The following ANGPTL4 variants were observed in gnomAD, a reference collection of about 807,000 sequenced individuals.
The protein encoded by ANGPTL4 is angiopoietin like 4, also known as angiopoietin-related protein 4.
A neutral mutation model predicts 39.2 loss-of-function variants in ANGPTL4; 39 were observed. The ratio of observed to expected loss-of-function variants is 1.00; its 90% CI spans 0.77 to 1.30. The LOEUF is 1.30. Among genes scored for constraint, ANGPTL4 ranks in the 50% most tolerant of loss-of-function variants. ANGPTL4 has a pLI of 0.00. For synonymous variants in ANGPTL4, 233 were observed against 229.5 expected, an observed-to-expected ratio of 1.02 and a Z score of -0.14; for missense variants, 545 against 549.8, an observed-to-expected ratio of 0.99 and a Z score of 0.09.
At chr19:8,368,670 A>G (rs2145477322) in intron 3 of ANGPTL4, among the ~76,000 whole-genome samples, 1 of 152,272 alleles carries the variant, frequency 6.6e-6, no homozygotes, top group South Asian at 2.1e-4. Context: ...CAGTCTGGCC[A>G]ACATGGTGAA....
intron 1 of ANGPTL4, 29 bp downstream of exon 1, chr19:8,364,668 G>C (rs1411136553): frequency 6.4e-7 from 1 of 1,563,570 alleles, no homozygotes; most frequent in African/African-American, 1.4e-5. Context: ...GGTTCTCCGC[G>C]CCCCTAGTGG....
chr19:8,369,241 G>A lies in ANGPTL4; in HGVS notation c.570G>A (p.Glu190=), dbSNP rs559356885. The A allele has an allele frequency of 1.9e-6, 3 of 1,611,696 alleles. No homozygotes were observed. Among genetic ancestry groups the A allele is most frequent in the East Asian group, 2.2e-5 (1 of 44,876 alleles). The change falls in exon 4 of 7, where the codon GAG becomes GAA. Residue 190 remains glutamate, a synonymous_variant. Coordinates refer to ENST00000301455, the MANE Select transcript of ANGPTL4 (RefSeq NM_139314.3). ...RLHRLPRDCQ[E]LFQVGERQSG... ...CAGGGCTGCCCAGGGATTGCCAGGA[G>A]CTGTTCCAGGTTGGGGAGAGGCAGA... is the stretch of plus-strand genomic sequence containing the variant.
chr19:8,366,034 G>A lies in ANGPTL4; in HGVS notation c.399G>A (p.Gln133=), dbSNP rs746114842. 2.5e-6 allele frequency: 4 copies of A among 1,614,040 alleles called. No homozygotes were observed. The Admixed American group carries it at 5.0e-5, about 20-fold the overall frequency. ...AGCAGCAGCGGCACCTGGAGAAGCA[G>A]CACCTGCGAATTCAGCATCTGCAAA... ...VAQQQRHLEK[Q]HLRIQHLQSQ... Residue 133 remains glutamine, a synonymous_variant, in exon 2 of 7, where the codon CAG becomes CAA. Coordinates refer to ENST00000301455, the MANE Select transcript of ANGPTL4 (RefSeq NM_139314.3).
In ANGPTL4 at chr19:8,371,637, T is replaced by C. The variant is rs1971123152; in HGVS notation, c.1039+115T>C. ...CTGTTTCCTGCCCCCACCTCTTCCT[T>C]ACATGCCGTGTGTGTGATTGGGCCA... is the stretch of plus-strand genomic sequence containing the variant. On this transcript the variant is annotated intron_variant, in intron 6 of 6. Transcript: ENST00000301455. This position sits in a 1 kb window ranked among gnomAD's most constrained non-coding sequence, Gnocchi z 5.1. 6.9e-7 allele frequency: 1 copy of C among 1,445,242 alleles called. No homozygotes were observed. 89.5% of individuals were successfully genotyped at this position (1,445,242 alleles called of 1,614,324 possible).
chr19:8,371,495 G>C lies in ANGPTL4; in HGVS notation c.1012G>C (p.Asp338His). The C allele has an allele frequency of 1.2e-6, 2 of 1,613,080 alleles. No individual in the cohort carries two copies. Among genetic ancestry groups the C allele is most frequent in the Non-Finnish European group, 1.7e-6 (2 of 1,180,032 alleles). Residue 338 changes from aspartate to histidine, a missense_variant, in exon 6 of 7, where the codon GAC (aspartate) becomes CAC (histidine). Physicochemically the swap from Asp to His is moderately conservative, Grantham distance 81. Transcript: ENST00000301455. The surrounding 1 kb of genome is among the most constrained non-coding windows in gnomAD (Gnocchi z 5.1). ...TWDQDHDLRR[D>H]KNCAKSLSGG... The stretch of plus-strand genomic sequence containing the variant: ...GGACCAGGATCACGACCTCCGCAGG[G>C]ACAAGAACTGCGCCAAGAGCCTCTC...
At chr19:8,373,676 C>T in intron 6 of ANGPTL4, 29 bp from the exon 7 acceptor site, 3 of 1,613,686 alleles carry the variant, frequency 1.9e-6, no homozygotes, top group Non-Finnish European at 2.5e-6. Context: ...AAAGACCTGA[C>T]CATGTTCCCT....
rs1470759460 is a variant in ANGPTL4 at position 8,364,339 on chromosome 19, G to A, written c.18G>A (p.Thr6=). Residue 6 remains threonine, a synonymous_variant, in exon 1 of 7, where the codon ACG becomes ACA. Coordinates refer to ENST00000301455, the MANE Select transcript of ANGPTL4 (RefSeq NM_139314.3). MSGAP[T]AGAALMLCAA... ...CTAAGAGGATGAGCGGTGCTCCGAC[G>A]GCCGGGGCAGCCCTGATGCTCTGCG... 1.9e-6 allele frequency: 3 copies of A among 1,545,994 alleles called. No individual in the cohort carries two copies. The highest frequency in any genetic ancestry group is 2.6e-6 in the Non-Finnish European group (3 of 1,150,122).
intron 3 of ANGPTL4, among the ~76,000 whole-genome samples, chr19:8,367,342 G>C (rs1013123055): frequency 4.6e-5 from 7 of 152,202 alleles, no homozygotes; most frequent in African/African-American, 1.7e-4. Context: ...GCGGTGGAAG[G>C]GGGCAGGGGT....
At chr19:8,367,173 A>C (rs1278182397) in intron 3 of ANGPTL4, among the ~76,000 whole-genome samples, 1 of 151,146 alleles carries the variant, frequency 6.6e-6, no homozygotes, top group Non-Finnish European at 1.5e-5. Flanking sequence ...CTCCTCCCCA[A>C]GCTCCCGCTC....
rs1971185407 is a variant in ANGPTL4 at position 8,374,093 on chromosome 19, A to G, written c.*207A>G. The G allele has an allele frequency of 1.7e-6, 1 of 596,614 alleles. No homozygotes were observed. Among genetic ancestry groups the G allele is most frequent in the Admixed American group, 2.9e-5 (1 of 33,922 alleles). The allele number at this position is 596,614 out of a possible 1,614,324, so 37.0% of individuals were successfully genotyped here. A position where few individuals can be genotyped will look rare whatever the true frequency, so the allele number is the denominator to read the frequency against. On this transcript the variant is annotated 3_prime_UTR_variant, in exon 7 of 7. Coordinates refer to ENST00000301455, the MANE Select transcript of ANGPTL4 (RefSeq NM_139314.3). Reference sequence around the variant, plus strand: ...TGCCTCCTGAGATCGAGGCTGCAGGATATGCTCAGACTCTAGAGGCGTGGA... The same window carrying G: ...TGCCTCCTGAGATCGAGGCTGCAGGGTATGCTCAGACTCTAGAGGCGTGGA...
intron 3 of ANGPTL4, 101 bp downstream of exon 3, chr19:8,366,420 C>G: frequency 6.0e-6 from 8 of 1,323,444 alleles, no homozygotes; most frequent in Non-Finnish European, 8.5e-6. Flanking sequence ...GAGAAGATGT[C>G]CTGGCCTGGA....
Position 8,371,062 on chromosome 19 carries a change from G to T in ANGPTL4, c.668G>T (p.Gly223Val), listed in dbSNP as rs757456587. Residue 223 changes from glycine to valine, a missense_variant, in exon 5 of 7, where the codon GGC (glycine) becomes GTC (valine). Gly to Val is a moderately radical substitution (Grantham distance 109). Coordinates refer to ENST00000301455, the MANE Select transcript of ANGPTL4 (RefSeq NM_139314.3). This position sits in a 1 kb window ranked among gnomAD's most constrained non-coding sequence, Gnocchi z 5.1. ...CTTGTACCTTTCTGGGCAGATGGAG[G>T]CTGGACAGTAATTCAGAGGCGCCAC... ...LVNCKMTSDG[G>V]WTVIQRRHDG... 6 of 1,594,250 alleles carry T rather than the reference G, an allele frequency of 3.8e-6. No individual in the cohort carries two copies. In the South Asian group the frequency reaches 4.5e-5, roughly 12 times the overall value.
chr19:8,365,946 C>T lies in ANGPTL4; in HGVS notation c.319-8C>T, dbSNP rs374033592. On this transcript the variant is annotated splice_region_variant and splice_polypyrimidine_tract_variant and intron_variant, in intron 1 of 6. Transcript: ENST00000301455. ...TGGGTCCTCACCAAGGTTTTCACCCCTCCCCAGACACAACTCAAGGCTCAG... is the reference window on the plus strand; with the variant it reads ...TGGGTCCTCACCAAGGTTTTCACCCTTCCCCAGACACAACTCAAGGCTCAG... 2 of 1,613,272 alleles carry T rather than the reference C, an allele frequency of 1.2e-6. No individual in the cohort carries two copies. Among genetic ancestry groups the T allele is most frequent in the African/African-American group, 2.7e-5 (2 of 75,012 alleles).
In ANGPTL4 at chr19:8,371,166, T is replaced by C. The variant is rs749083717; in HGVS notation, c.757+15T>C. 23 of 1,613,844 alleles carry C rather than the reference T, an allele frequency of 1.4e-5. No homozygotes were observed. Among genetic ancestry groups the C allele is most frequent in the Middle Eastern group, 1.6e-4 (1 of 6,062 alleles). ...GGATCCCCACGGTAGGTGTTTCTAG[T>C]GGGGACAGAGGCAGGGGAGGAAGAG... On this transcript the variant is annotated intron_variant, in intron 5 of 6. Transcript: ENST00000301455. This position sits in a 1 kb window ranked among gnomAD's most constrained non-coding sequence, Gnocchi z 5.1.
chr19:8,366,027 A>G lies in ANGPTL4; in HGVS notation c.392A>G (p.Glu131Gly). The G allele has an allele frequency of 6.2e-7, 1 of 1,614,154 alleles. No homozygotes were observed. Among genetic ancestry groups the G allele is most frequent in the African/African-American group, 1.3e-5 (1 of 75,024 alleles). Residue 131 changes from glutamate to glycine, a missense_variant, in exon 2 of 7, where the codon GAG becomes GGG. Glu to Gly is a moderately conservative substitution (Grantham distance 98, BLOSUM62 -2). Coordinates refer to ENST00000301455, the MANE Select transcript of ANGPTL4 (RefSeq NM_139314.3). ...GTGGCCCAGCAGCAGCGGCACCTGGAGAAGCAGCACCTGCGAATTCAGCAT... is the reference window on the plus strand; with the variant it reads ...GTGGCCCAGCAGCAGCGGCACCTGGGGAAGCAGCACCTGCGAATTCAGCAT... ...HKVAQQQRHL[E>G]KQHLRIQHLQ...
Position 8,369,252 on chromosome 19 carries a change from T to C in ANGPTL4, c.581T>C (p.Val194Ala), listed in dbSNP as rs200552010. 18 of 1,611,982 alleles carry C rather than the reference T, an allele frequency of 1.1e-5. No individual in the cohort carries two copies. The highest frequency in any genetic ancestry group is 1.9e-4 in the Middle Eastern group (1 of 5,246). Residue 194 changes from valine (V) to alanine (A), a missense_variant, in exon 4 of 7, where the codon GTT becomes GCT. Transcript: ENST00000301455. ...LPRDCQELFQ[V>A]GERQSGLFEI... Reference sequence around the variant, plus strand: ...AGGGATTGCCAGGAGCTGTTCCAGGTTGGGGAGAGGCAGAGTGGACTATTT... The same window carrying C: ...AGGGATTGCCAGGAGCTGTTCCAGGCTGGGGAGAGGCAGAGTGGACTATTT...
rs1970956935 is a variant in ANGPTL4 at position 8,364,502 on chromosome 19, C to G, written c.181C>G (p.Arg61Gly). ...CCAGGGGCTGCGCGAACACGCGGAG[C>G]GCACCCGCAGTCAGCTGAGCGCGCT... is the stretch of plus-strand genomic sequence containing the variant. The part of the protein sequence containing the change: ...LGQGLREHAE[R>G]TRSQLSALER... Residue 61 changes from arginine to glycine, a missense_variant, in exon 1 of 7, where the codon CGC (arginine) becomes GGC (glycine). By Grantham distance (125) the Arg-to-Gly change is moderately radical. Coordinates refer to ENST00000301455, the MANE Select transcript of ANGPTL4 (RefSeq NM_139314.3). 2 of 1,563,948 alleles carry G rather than the reference C, an allele frequency of 1.3e-6. No homozygotes were observed. The highest frequency in any genetic ancestry group is 1.9e-5 in the Admixed American group (1 of 52,460).
intron 3 of ANGPTL4, among the ~76,000 whole-genome samples, chr19:8,368,219 C>T (rs1366928985): frequency 6.6e-6 from 1 of 152,018 alleles, no homozygotes; most frequent in Non-Finnish European, 1.5e-5. Context: ...GGGGTTTGGC[C>T]ATGTTGACCA....
At chr19:8,370,994 A>G in intron 4 of ANGPTL4, 62 bp from the exon 5 acceptor site, 1 of 1,537,314 alleles carries the variant, frequency 6.5e-7, no homozygotes, top group Non-Finnish European at 8.8e-7. Flanking sequence ...TGGCAGCCAG[A>G]TGAGGGAGTG....
Sources: allele counts gnomAD v4.1 joint callset (sites outside exome capture counted in the v4.1 genomes callset), GRCh38; gene constraint gnomAD v4.1.1; non-coding constraint Gnocchi (gnomAD v3.1); transcripts MANE v1.5; gene names NCBI Gene and HGNC (gene_info 2026-07-23, HGNC 2026-07-21).